The following MICU3 variants were observed in gnomAD, a reference collection of about 807,000 sequenced individuals.
MICU3 encodes mitochondrial calcium uptake 3, also known as calcium uptake protein 3, mitochondrial.
In MICU3, 62 loss-of-function variants were observed where a neutral mutation model predicts 66.5. The ratio of observed to expected loss-of-function variants is 0.93; its 90% CI spans 0.76 to 1.15. The LOEUF is 1.15. MICU3 is among the 50% of genes most tolerant of loss of function. MICU3 has a pLI of 0.00. For missense variants in MICU3, 779 were observed against 664.4 expected, an observed-to-expected ratio of 1.17 and a Z score of -1.90; for synonymous variants, 308 against 240.7, an observed-to-expected ratio of 1.28 and a Z score of -2.59.
At position 17,084,520 on chromosome 8, in the gene MICU3, G is replaced by T. The variant is rs77125526; in HGVS notation, c.695-716G>T. 9.0e-3 allele frequency among the ~76,000 whole-genome samples: 1,364 copies of T among 152,156 alleles called. 16 individuals carry two copies. The highest frequency in any genetic ancestry group is 0.02 in the Middle Eastern group (6 of 294). The stretch of plus-strand genomic sequence containing the variant: ...CGGTCATCTCAAAAGAAAAGATCCA[G>T]TGTTTTGAGAAGGGCACGTCCACTG... On this transcript the variant is annotated intron_variant, in intron 5 of 14. Transcript: ENST00000318063.
rs1445565896 is a variant in MICU3 at position 17,027,504 on chromosome 8, G to T, written c.225G>T (p.Gly75=). 1.6e-6 allele frequency: 2 copies of T among 1,282,734 alleles called. No homozygotes were observed. The highest frequency in any genetic ancestry group is 2.0e-6 in the Non-Finnish European group (2 of 1,019,522). The allele number at this position is 1,282,734 out of a possible 1,614,324, so 79.5% of individuals were successfully genotyped here. The part of the protein sequence containing the change: ...GELSVAAAAG[G]GLVGLVCYQL... ...TGAGCGTGGCGGCGGCGGCCGGCGG[G>T]GGGCTGGTCGGCCTGGTATGCTACC... The change falls in exon 1 of 15, where the codon GGG becomes GGT. Residue 75 remains glycine, a synonymous_variant. Coordinates refer to ENST00000318063, the MANE Select transcript of MICU3 (RefSeq NM_181723.3).
At chr8:17,126,377 G>C (rs1031130474), downstream of MICU3, among the ~76,000 whole-genome samples, 3 of 151,968 alleles carry the variant, frequency 2.0e-5, no homozygotes, top group Admixed American at 2.0e-4. Context: ...TCCTGTCCTT[G>C]AGAAAGAAAC....
intron 8 of MICU3, among the ~76,000 whole-genome samples, chr8:17,094,848 C>T (rs1188337159): frequency 1.3e-5 from 2 of 151,958 alleles, no homozygotes; most frequent in African/African-American, 4.8e-5. Context: ...CCTGTTTCAT[C>T]ACACCAAATA....
At chr8:17,135,621 C>G in the MICU3 span, among the ~76,000 whole-genome samples, 25 of 152,028 alleles carry the variant, frequency 1.6e-4, no homozygotes, top group Non-Finnish European at 2.4e-4. Flanking sequence ...TTTCTATCTT[C>G]TGTATTATTG....
chr8:17,113,786 A>G (rs773255443), intron 11 of MICU3, among the ~76,000 whole-genome samples: 8 of 151,784 alleles, frequency 5.3e-5, no homozygotes, highest in Non-Finnish European at 7.4e-5. Context: ...AAAAGAGAGG[A>G]TTTTCAAAAT....
At chr8:17,044,130 A>G (rs1435451944) in intron 1 of MICU3, among the ~76,000 whole-genome samples, 1 of 152,212 alleles carries the variant, frequency 6.6e-6, no homozygotes, top group Non-Finnish European at 1.5e-5. Context: ...CACCTTTCAC[A>G]TAGCAGAATT....
intron 11 of MICU3, among the ~76,000 whole-genome samples, chr8:17,107,522 G>T (rs3915069): frequency 0.092 from 14,029 of 152,124 alleles, 2,191 homozygotes; most frequent in African/African-American, 0.32. Context: ...TTCAAAGAGT[G>T]ACTGTAAGAG....
intron 13 of MICU3, 50 bp from the exon 14 acceptor site, chr8:17,118,657 C>A: frequency 8.6e-7 from 1 of 1,162,010 alleles, no homozygotes. Flanking sequence ...TGAAATCACG[C>A]TGTATTTGTC....
intron 1 of MICU3, among the ~76,000 whole-genome samples, chr8:17,056,065 T>G (rs763207801): frequency 7.9e-5 from 12 of 152,220 alleles, no homozygotes; most frequent in Non-Finnish European, 1.6e-4. Context: ...AATTGGCTGC[T>G]TGACATTATT....
chr8:17,038,662 C>T (rs1022976283), intron 1 of MICU3, among the ~76,000 whole-genome samples: 2 of 151,982 alleles, frequency 1.3e-5, no homozygotes, highest in Non-Finnish European at 1.5e-5. Flanking sequence ...AGGAAGAGTC[C>T]GTCGATGTGG....
In MICU3 at chr8:17,087,032, G is replaced by A; in HGVS notation, c.846G>A (p.Met282Ile). 6.3e-7 allele frequency: 1 copy of A among 1,599,612 alleles called. No individual in the cohort carries two copies. Among genetic ancestry groups the A allele is most frequent in the Non-Finnish European group, 8.6e-7 (1 of 1,168,056 alleles). ...EIKGDEEKRA[M>I]LRLQLYGYHS... ...AAGGAGATGAAGAAAAGCGTGCAAT[G>A]CTGGTAAGAATACTTTATAGTAGCT... The change falls in exon 7 of 15, where the codon ATG (methionine) becomes ATA (isoleucine). Residue 282 changes from methionine (M) to isoleucine (I), a missense_variant. By Grantham distance (10) the Met-to-Ile change is conservative. Transcript: ENST00000318063.
chr8:17,040,502 C>G (rs1474796883), intron 1 of MICU3, among the ~76,000 whole-genome samples: 1 of 152,078 alleles, frequency 6.6e-6, no homozygotes, highest in Non-Finnish European at 1.5e-5. Context: ...ATGTCTGTTA[C>G]CTTGTATTAC....
intron 1 of MICU3, among the ~76,000 whole-genome samples, chr8:17,046,417 GT>G (rs1238269967): frequency 1.3e-5 from 2 of 152,058 alleles, no homozygotes; most frequent in Admixed American, 1.3e-4. Flanking sequence ...TGGTTTAAGC[GT>G]TTACAAACAA....
intron 1 of MICU3, among the ~76,000 whole-genome samples, chr8:17,038,952 CAAAAAA>C (rs57441494): frequency 1.7e-5 from 2 of 120,148 alleles, no homozygotes. Context: ...GACTCTGTCT[CAAAAAA>C]AAAAAAAAAT....
At chr8:17,031,264 TA>T (rs200478696) in intron 1 of MICU3, among the ~76,000 whole-genome samples, 2,546 of 141,300 alleles carry the variant, frequency 0.018, 84 homozygotes, top group African/African-American at 0.064. Flanking sequence ...CCACTTCATT[TA>T]TTATTATTAT....
At chr8:17,034,357 A>G (rs900158817) in intron 1 of MICU3, among the ~76,000 whole-genome samples, 1 of 152,258 alleles carries the variant, frequency 6.6e-6, no homozygotes, top group African/African-American at 2.4e-5. Flanking sequence ...CAAGGAGATC[A>G]GTGTTTTTAT....
At chr8:17,036,641 C>T (rs939333536) in intron 1 of MICU3, among the ~76,000 whole-genome samples, 2 of 152,172 alleles carry the variant, frequency 1.3e-5, no homozygotes, top group African/African-American at 4.8e-5. Flanking sequence ...TCGATTGGTG[C>T]AGTCACAAAC....
chr8:17,051,789 A>G (rs1193904420), intron 1 of MICU3, among the ~76,000 whole-genome samples: 2 of 152,086 alleles, frequency 1.3e-5, no homozygotes, highest in East Asian at 3.9e-4. Flanking sequence ...TGCTGGAGTA[A>G]GATCAAAAGA....
At chr8:17,033,121 T>G (rs933374258) in intron 1 of MICU3, among the ~76,000 whole-genome samples, 14 of 152,160 alleles carry the variant, frequency 9.2e-5, no homozygotes, top group African/African-American at 3.4e-4. Context: ...GGCCTCTAAG[T>G]GTTCACGTGG....
Sources: gnomAD v4.1 joint callset for allele counts (sites outside exome capture counted in the v4.1 genomes callset) on GRCh38, gnomAD v4.1.1 for gene constraint, MANE v1.5 for transcripts, NCBI Gene and HGNC (gene_info 2026-07-23, HGNC 2026-07-21) for gene names.